The following YAE1 variants were observed in gnomAD, a reference collection of about 807,000 sequenced individuals.
YAE1 encodes the protein YAE1 maturation factor of ABCE1, also known as protein YAE1 homolog.
Under a neutral mutation model 23.0 loss-of-function variants are expected in YAE1, and 22 were observed. The observed-to-expected ratio is 0.96, with a 90% CI of 0.68 to 1.37. The LOEUF (loss-of-function observed/expected upper bound fraction) is 1.37, where lower values mean the gene tolerates loss of function less well. YAE1 is among the 40% of genes most tolerant of loss of function. YAE1 has a pLI of 0.00. For missense variants in YAE1, 260 were observed against 262.1 expected (o/e 0.99, Z 0.06); for synonymous variants, 101 against 97.0 (o/e 1.04, Z -0.24).
At chr7:39,609,567 C>G in intron 2 of YAE1, 2 of 1,506,868 alleles carry the variant, frequency 1.3e-6, no homozygotes, top group Non-Finnish European at 1.8e-6. Flanking sequence ...GTTGTGGGGA[C>G]AGTGATAACA....
At chr7:39,579,085 G>T (rs1012968270) in intron 2 of YAE1, among the ~76,000 whole-genome samples, 5 of 152,194 alleles carry the variant, frequency 3.3e-5, no homozygotes, top group Non-Finnish European at 7.3e-5. Context: ...AAAGAGAGGG[G>T]AAGTAATGGT....
At position 39,604,092 on chromosome 7, in the gene YAE1, T is replaced by C; in HGVS notation, c.252-5525T>C. On this transcript the variant is annotated intron_variant, in intron 2 of 2. Coordinates refer to the YAE1 transcript ENST00000432096. ...AAGGGCAGGAAATATGGAGGAAGGG[T>C]TGATTGACATCAAGGATGCAGATTC... 1.3e-5 allele frequency among the ~76,000 whole-genome samples: 2 copies of C among 152,084 alleles called. 1 individual carries two copies. The highest frequency in any genetic ancestry group is 6.3e-3 in the Middle Eastern group (2 of 316).
chr7:39,575,061 T>C (rs974163511), downstream of YAE1, among the ~76,000 whole-genome samples: 3 of 152,190 alleles, frequency 2.0e-5, no homozygotes, highest in African/African-American at 7.2e-5. Context: ...TCACATGTTG[T>C]AGGTCTGCCA....
chr7:39,609,483 T>G, intron 2 of YAE1: 2 of 1,225,190 alleles, frequency 1.6e-6, no homozygotes, highest in Non-Finnish European at 2.2e-6. Flanking sequence ...AGTTGGGGGG[T>G]TGTAACAGAG....
At chr7:39,587,885 T>C (rs1340719852) in intron 2 of YAE1, among the ~76,000 whole-genome samples, 1 of 152,242 alleles carries the variant, frequency 6.6e-6, no homozygotes, top group Non-Finnish European at 1.5e-5. Flanking sequence ...TAAAGATAAC[T>C]TAGAATAAAA....
At chr7:39,609,457 T>G in intron 2 of YAE1, 1 of 904,072 alleles carries the variant, frequency 1.1e-6, no homozygotes, top group Non-Finnish European at 1.6e-6. Flanking sequence ...TGTTATCAAA[T>G]TGGGAGAATG....
At chr7:39,583,742 C>T (rs1479992521) in intron 2 of YAE1, among the ~76,000 whole-genome samples, 1 of 151,972 alleles carries the variant, frequency 6.6e-6, no homozygotes, top group African/African-American at 2.4e-5. Context: ...ATCATTGTTT[C>T]TGTGGGGATT....
chr7:39,576,699 T>C (rs995190358), downstream of YAE1, among the ~76,000 whole-genome samples: 6 of 152,174 alleles, frequency 3.9e-5, no homozygotes, highest in Admixed American at 3.9e-4. Flanking sequence ...TGAGTGTCTC[T>C]TCACGTTTCT....
At chr7:39,589,825 C>T (rs1000356529) in intron 2 of YAE1, among the ~76,000 whole-genome samples, 2 of 152,136 alleles carry the variant, frequency 1.3e-5, no homozygotes, top group African/African-American at 4.8e-5. Flanking sequence ...GAGCTGCAGG[C>T]AGTCGCATTT....
At chr7:39,593,177 C>CTTTTTGTTTTTTTTTTTT (rs1790925117) in intron 2 of YAE1, among the ~76,000 whole-genome samples, 3 of 72,106 alleles carry the variant, frequency 4.2e-5, no homozygotes, top group Admixed American at 2.6e-4. Context: ...TTGGTTATTT[C>CTTTTTGTTTTTTTTTTTT]TTTTTTTTTT....
Position 39,566,437 on chromosome 7 carries a change from G to T in YAE1, c.19G>T (p.Ala7Ser), listed in dbSNP as rs143928572. The T allele has an allele frequency of 3.1e-5, 50 of 1,614,050 alleles. No individual in the cohort carries two copies. Among genetic ancestry groups the T allele is most frequent in the Non-Finnish European group, 9.3e-6 (11 of 1,180,002 alleles). MSWVQA[A>S]SLIQGPGDKG... ...CTCGGTGATGTCGTGGGTTCAAGCA[G>T]CCTCCTTGATCCAGGGCCCTGGAGA... Residue 7 changes from alanine (A) to serine (S), a missense_variant, in exon 1 of 3, where the codon GCC (alanine) becomes TCC (serine). By Grantham distance (99) the Ala-to-Ser change is moderately conservative. Transcript: ENST00000223273.
At chr7:39,579,624 C>T (rs1012234846) in intron 2 of YAE1, among the ~76,000 whole-genome samples, 83 of 150,300 alleles carry the variant, frequency 5.5e-4, no homozygotes, top group African/African-American at 1.5e-3. Context: ...GCTGAGATCA[C>T]GCCACTGCAC....
At chr7:39,606,709 TA>T (rs66677486) in intron 2 of YAE1, among the ~76,000 whole-genome samples, 135,273 of 152,054 alleles carry the variant, frequency 0.89, 60,378 homozygotes, top group East Asian at 1. Context: ...AAAAAAGCAC[TA>T]AAAAAAAATC....
At position 39,587,438 on chromosome 7, in the gene YAE1, C is replaced by T. The variant is rs187023753; in HGVS notation, c.251+16811C>T. On this transcript the variant is annotated intron_variant, in intron 2 of 2. Coordinates refer to the YAE1 transcript ENST00000432096. ...CTGACTTTCAGTTAATCTTTACCAC[C>T]CTTGTACTATTACACCTATATATGT... Among the ~76,000 whole-genome samples the T allele has an allele frequency of 1.8e-4, 28 of 152,126 alleles. No homozygotes were observed. The East Asian group carries it at 4.8e-3, about 26-fold the overall frequency.
intron 2 of YAE1, among the ~76,000 whole-genome samples, chr7:39,591,260 G>A (rs990571208): frequency 2.0e-5 from 3 of 152,120 alleles, no homozygotes; most frequent in Non-Finnish European, 4.4e-5. Context: ...ATTGGTGGGG[G>A]GGACACAATT....
At chr7:39,603,404 C>G (rs1347428650) in intron 2 of YAE1, among the ~76,000 whole-genome samples, 2 of 152,176 alleles carry the variant, frequency 1.3e-5, no homozygotes. Flanking sequence ...TCCCAAAGTT[C>G]TGGGATTACA....
intron 1 of YAE1, among the ~76,000 whole-genome samples, chr7:39,568,341 C>T (rs1790509390): frequency 6.6e-6 from 1 of 151,794 alleles, no homozygotes; most frequent in Non-Finnish European, 1.5e-5. Flanking sequence ...GTATATGATG[C>T]CAAAGATACA....
downstream of YAE1, among the ~76,000 whole-genome samples, chr7:39,577,151 C>T (rs369385639): frequency 6.6e-6 from 1 of 152,222 alleles, no homozygotes; most frequent in South Asian, 2.1e-4. Flanking sequence ...CCGCCTTGGC[C>T]TCCCAAAGTG....
intron 2 of YAE1, among the ~76,000 whole-genome samples, chr7:39,583,931 C>T (rs1372961477): frequency 6.6e-6 from 1 of 152,220 alleles, no homozygotes; most frequent in Non-Finnish European, 1.5e-5. Context: ...TACATGTTCA[C>T]AACTCACTAG....
Sources: allele counts gnomAD v4.1 joint callset (sites outside exome capture counted in the v4.1 genomes callset), GRCh38; gene constraint gnomAD v4.1.1; transcripts MANE v1.5; gene names NCBI Gene and HGNC (gene_info 2026-07-23, HGNC 2026-07-21).